CELF2: variants seen among roughly 807,000 people sequenced by gnomAD.
The protein encoded by CELF2 is CUG triplet repeat RNA-binding protein 2.
A neutral mutation model predicts 62.6 loss-of-function variants in CELF2; 8 were observed. The ratio of observed to expected loss-of-function variants is 0.13; its 90% confidence interval spans 0.07 to 0.23. The LOEUF (loss-of-function observed/expected upper bound fraction) is 0.23, where lower values mean the gene tolerates loss of function less well. Ranked by LOEUF, CELF2 falls within the 10% of genes least tolerant of loss-of-function variation. The probability of loss-of-function intolerance (pLI) is 1.00; values close to 1 mark genes in which losing one functional copy is unlikely to be tolerated. For missense variants in CELF2, 333 were observed against 671.0 expected, an observed-to-expected ratio of 0.50 and a Z score of 5.56; for synonymous variants, 258 against 250.0, an observed-to-expected ratio of 1.03 and a Z score of -0.30.
chr10:10,722,876 T>A, the CELF2 span, among the ~76,000 whole-genome samples: 1 of 152,208 alleles, frequency 6.6e-6, no homozygotes, highest in African/African-American at 2.4e-5. Flanking sequence ...ACAGCAATAC[T>A]GAGATTTCAG....
chr10:11,060,918 CTCTG>C (rs1345772822), intron 1 of CELF2, among the ~76,000 whole-genome samples: 3 of 152,332 alleles, frequency 2.0e-5, no homozygotes, highest in East Asian at 3.9e-4. Context: ...TGCTGCCATT[CTCTG>C]TCTTTCTCCC....
the CELF2 span, among the ~76,000 whole-genome samples, chr10:10,775,446 A>G: frequency 0.23 from 35,030 of 151,824 alleles, 4,249 homozygotes; most frequent in Admixed American, 0.32. Flanking sequence ...CCTGGCCAAC[A>G]TGGTAAAACC....
chr10:11,061,984 G>A (rs1184921269), intron 1 of CELF2, among the ~76,000 whole-genome samples: 1 of 152,194 alleles, frequency 6.6e-6, no homozygotes, highest in African/African-American at 2.4e-5. Flanking sequence ...AGGTAATTTT[G>A]TATTTTTAGT....
chr10:10,591,383 A>G, the CELF2 span, among the ~76,000 whole-genome samples: 4 of 152,288 alleles, frequency 2.6e-5, no homozygotes, highest in East Asian at 7.7e-4. Flanking sequence ...CTTTCAGTAC[A>G]TTAATACTAG....
upstream of CELF2, chr10:11,005,141 T>C (rs2054964298): frequency 3.0e-6 from 3 of 985,248 alleles, no homozygotes; most frequent in South Asian, 4.7e-5. This position sits in a 1 kb window ranked among gnomAD's most constrained non-coding sequence, Gnocchi z 4.3. Flanking sequence ...ATAATATGCA[T>C]AGACAACATA....
At chr10:11,106,447 G>C (rs2053528258) in intron 1 of CELF2, among the ~76,000 whole-genome samples, 1 of 152,148 alleles carries the variant, frequency 6.6e-6, no homozygotes, top group Non-Finnish European at 1.5e-5. Context: ...ATGTTGGCCA[G>C]GCTGGTCTTG....
intron 1 of CELF2, among the ~76,000 whole-genome samples, chr10:11,102,576 C>T (rs1463395114): frequency 6.6e-6 from 1 of 152,198 alleles, no homozygotes; most frequent in Non-Finnish European, 1.5e-5. Flanking sequence ...ACTCGGGGCC[C>T]TGTTCTCCTC....
intron 1 of CELF2, among the ~76,000 whole-genome samples, chr10:10,858,737 T>C (rs1405030163): frequency 6.6e-6 from 1 of 151,954 alleles, no homozygotes; most frequent in African/African-American, 2.4e-5. Context: ...AATGAAAGTA[T>C]CCAGGAATAG....
chr10:11,078,700 T>C (rs1024161985), intron 1 of CELF2, among the ~76,000 whole-genome samples: 3 of 152,214 alleles, frequency 2.0e-5, no homozygotes, highest in East Asian at 3.8e-4. Flanking sequence ...GTTCTTTCTC[T>C]TCATGCACGG....
At chr10:11,172,610 T>A (rs1476304147) in intron 2 of CELF2, among the ~76,000 whole-genome samples, 1 of 152,122 alleles carries the variant, frequency 6.6e-6, no homozygotes. Context: ...GTGACTTCTA[T>A]CAAAGGGCAG....
chr10:11,167,029 C>T (rs1424234356), intron 2 of CELF2, among the ~76,000 whole-genome samples: 1 of 152,200 alleles, frequency 6.6e-6, no homozygotes. Flanking sequence ...AAGGTTGTTT[C>T]AAAAAGCACA....
chr10:11,228,400 C>T (rs1006727887), intron 3 of CELF2, among the ~76,000 whole-genome samples: 1 of 152,262 alleles, frequency 6.6e-6, no homozygotes, highest in South Asian at 2.1e-4. Context: ...GCCTATTGTT[C>T]TACATTCAAG....
chr10:11,002,342 G>T (rs916264440), upstream of CELF2, among the ~76,000 whole-genome samples: 5 of 152,172 alleles, frequency 3.3e-5, no homozygotes, highest in African/African-American at 1.2e-4. The surrounding 1 kb of genome is among the most constrained non-coding windows in gnomAD (Gnocchi z 4.4). Context: ...GGGAGCTACA[G>T]TTCAAGGTGA....
intron 1 of CELF2, among the ~76,000 whole-genome samples, chr10:11,150,355 T>C (rs1465759465): frequency 6.6e-6 from 1 of 152,214 alleles, no homozygotes; most frequent in Non-Finnish European, 1.5e-5. Flanking sequence ...ACATGAACCC[T>C]GCATGCCATG....
At chr10:10,585,858 A>C in the CELF2 span, among the ~76,000 whole-genome samples, 1 of 152,132 alleles carries the variant, frequency 6.6e-6, no homozygotes, top group African/African-American at 2.4e-5. Flanking sequence ...TGGGAAGAAA[A>C]ATTTAGCATG....
At chr10:10,685,309 G>A in the CELF2 span, among the ~76,000 whole-genome samples, 41 of 152,154 alleles carry the variant, frequency 2.7e-4, no homozygotes, top group African/African-American at 8.9e-4. Context: ...ATTTCTTTCC[G>A]TTCTTTAGGC....
intron 1 of CELF2, among the ~76,000 whole-genome samples, chr10:11,025,862 A>G (rs749032270): frequency 4.6e-5 from 7 of 152,252 alleles, no homozygotes; most frequent in Non-Finnish European, 1.0e-4. Flanking sequence ...TCTGCCCAGA[A>G]CTTTGGATTA....
At chr10:11,185,214 G>A (rs2074533715) in intron 2 of CELF2, among the ~76,000 whole-genome samples, 2 of 151,744 alleles carry the variant, frequency 1.3e-5, no homozygotes, top group South Asian at 4.1e-4. Flanking sequence ...TTGCTCTGTT[G>A]CCCATGCTAC....
At chr10:11,005,141 T>A (rs2054964298), upstream of CELF2, 1 of 985,248 alleles carries the variant, frequency 1.0e-6, no homozygotes, top group Admixed American at 6.1e-5. This position sits in a 1 kb window ranked among gnomAD's most constrained non-coding sequence, Gnocchi z 4.3. Flanking sequence ...ATAATATGCA[T>A]AGACAACATA....
Sources: allele counts gnomAD v4.1 joint callset (sites outside exome capture counted in the v4.1 genomes callset), GRCh38; gene constraint gnomAD v4.1.1; non-coding constraint Gnocchi (gnomAD v3.1); transcripts MANE v1.5; gene names NCBI Gene and HGNC (gene_info 2026-07-23, HGNC 2026-07-21).